The following TAB2 variants were observed in gnomAD, a reference collection of about 807,000 sequenced individuals.
The protein encoded by TAB2 is TGF-beta-activated kinase 1 and MAP3K7-binding protein 2.
Under a neutral mutation model 65.0 loss-of-function variants are expected in TAB2, and 3 were observed. The observed-to-expected ratio is 0.05, with a 90% CI of 0.02 to 0.12. The LOEUF is 0.12. Ranked by LOEUF, TAB2 falls within the 10% of genes least tolerant of loss-of-function variation. The probability of loss-of-function intolerance (pLI) is 1.00; values close to 1 mark genes in which losing one functional copy is unlikely to be tolerated. For synonymous variants in TAB2, 298 were observed against 285.1 expected (o/e 1.05, Z -0.46); for missense variants, 623 against 840.3 (o/e 0.74, Z 3.20).
chr6:149,250,246 G>A (rs1562387875), intron 1 of TAB2, among the ~76,000 whole-genome samples: 1 of 152,096 alleles, frequency 6.6e-6, no homozygotes. Context: ...AGATTTTTAT[G>A]CCATACAGGA....
At chr6:149,283,411 G>A (rs1207661971) in intron 1 of TAB2, among the ~76,000 whole-genome samples, 1 of 152,106 alleles carries the variant, frequency 6.6e-6, no homozygotes, top group Non-Finnish European at 1.5e-5. Flanking sequence ...TGATGGTATA[G>A]AAGAAACTAC....
intron 6 of TAB2, chr6:149,401,419 TTA>T (rs1274027744): frequency 6.5e-6 from 1 of 154,700 alleles, no homozygotes; most frequent in Non-Finnish European, 1.5e-5. Flanking sequence ...GTGGCTATAA[TTA>T]TATCAGAAAC....
intron 1 of TAB2, among the ~76,000 whole-genome samples, chr6:149,318,277 G>GT (rs972173830): frequency 2.0e-5 from 3 of 151,828 alleles, no homozygotes; most frequent in Non-Finnish European, 4.4e-5. Flanking sequence ...TCCGTGCGGG[G>GT]GGGGAGGGGG....
intron 1 of TAB2, among the ~76,000 whole-genome samples, chr6:149,223,382 T>A (rs1318876045): frequency 6.6e-6 from 1 of 152,256 alleles, no homozygotes; most frequent in Non-Finnish European, 1.5e-5. Flanking sequence ...TTAAAACAAC[T>A]GATTTCTAAG....
chr6:149,377,168 C>T (rs184927274), intron 2 of TAB2, among the ~76,000 whole-genome samples: 1,643 of 150,446 alleles, frequency 0.011, 28 homozygotes, highest in African/African-American at 0.039. Context: ...CTCCCAGGTT[C>T]ACGCCATTCT....
chr6:149,285,502 C>T (rs1157598317), intron 1 of TAB2, among the ~76,000 whole-genome samples: 2 of 152,200 alleles, frequency 1.3e-5, no homozygotes, highest in Non-Finnish European at 2.9e-5. Context: ...GTTGCCCCTA[C>T]TGACTGCAAA....
At chr6:149,276,783 T>G (rs1042842771) in intron 1 of TAB2, among the ~76,000 whole-genome samples, 5 of 152,204 alleles carry the variant, frequency 3.3e-5, no homozygotes, top group Non-Finnish European at 7.3e-5. Context: ...ATTATATCTT[T>G]TATTCAACAA....
At chr6:149,296,858 T>A (rs1433657536) in intron 1 of TAB2, among the ~76,000 whole-genome samples, 1 of 152,202 alleles carries the variant, frequency 6.6e-6, no homozygotes, top group African/African-American at 2.4e-5. Context: ...TGAACACAGA[T>A]ATTTCTAGCA....
chr6:149,230,744 A>G (rs1583034588), intron 1 of TAB2, among the ~76,000 whole-genome samples: 1 of 152,178 alleles, frequency 6.6e-6, no homozygotes, highest in East Asian at 1.9e-4. Context: ...CTTGCCCTAC[A>G]AGGCCGTAAG....
intron 1 of TAB2, among the ~76,000 whole-genome samples, chr6:149,257,006 G>A (rs956983326): frequency 1.3e-5 from 2 of 152,170 alleles, no homozygotes; most frequent in Non-Finnish European, 2.9e-5. Context: ...CATTTCACGT[G>A]TAAAATGAAA....
intron 1 of TAB2, among the ~76,000 whole-genome samples, chr6:149,365,135 T>TAAAG (rs1780998295): frequency 6.6e-6 from 1 of 152,232 alleles, no homozygotes; most frequent in South Asian, 2.1e-4. Context: ...GCTGCAAACA[T>TAAAG]TTCATAAAGT....
chr6:149,337,228 TC>T (rs1456184305), intron 1 of TAB2, among the ~76,000 whole-genome samples: 10 of 143,084 alleles, frequency 7.0e-5, no homozygotes, highest in African/African-American at 2.3e-4. Context: ...GATAACTGTT[TC>T]GGTATAATTG....
At chr6:149,370,726 A>G (rs1257877276) in intron 2 of TAB2, among the ~76,000 whole-genome samples, 1 of 152,108 alleles carries the variant, frequency 6.6e-6, no homozygotes, top group Non-Finnish European at 1.5e-5. Flanking sequence ...ATATTGAGTG[A>G]TAGTTGTGCC....
chr6:149,353,108 T>C (rs1391447997), intron 1 of TAB2, among the ~76,000 whole-genome samples: 1 of 152,122 alleles, frequency 6.6e-6, no homozygotes, highest in Non-Finnish European at 1.5e-5. Context: ...TGGTGGAGTA[T>C]CTTGTTTTTA....
At chr6:149,227,139 G>A (rs1777296922) in intron 1 of TAB2, among the ~76,000 whole-genome samples, 1 of 152,168 alleles carries the variant, frequency 6.6e-6, no homozygotes, top group Admixed American at 6.5e-5. Context: ...CTTCTTCTAA[G>A]AAACCTTTAA....
chr6:149,243,100 A>C (rs911392899), intron 1 of TAB2, among the ~76,000 whole-genome samples: 1 of 152,214 alleles, frequency 6.6e-6, no homozygotes, highest in African/African-American at 2.4e-5. Flanking sequence ...GCTGACTCAT[A>C]GTGTAAACAC....
At chr6:149,239,995 C>T (rs1261809337) in intron 1 of TAB2, among the ~76,000 whole-genome samples, 1 of 152,084 alleles carries the variant, frequency 6.6e-6, no homozygotes, top group Non-Finnish European at 1.5e-5. Flanking sequence ...GTGACCACAG[C>T]AGATGGCAGA....
Position 149,285,274 on chromosome 6 carries a change from C to T in TAB2, c.-121+66498C>T, listed in dbSNP as rs904485877. On this transcript the variant is annotated intron_variant, in intron 1 of 1. Coordinates refer to the TAB2 transcript ENST00000606202. ...GCCAACAGTACCCTAATGGGCAGAC[C>T]AAAAGCAGGGGACCCCTGGGGGTAA... 2.0e-5 allele frequency among the ~76,000 whole-genome samples: 3 copies of T among 152,260 alleles called. No individual in the cohort carries two copies. In the South Asian group the frequency reaches 6.2e-4, roughly 32 times the overall value.
chr6:149,255,877 C>T (rs1210039217), intron 1 of TAB2, among the ~76,000 whole-genome samples: 2 of 152,222 alleles, frequency 1.3e-5, no homozygotes, highest in African/African-American at 2.4e-5. Context: ...GCAGTCGTTG[C>T]AGACCATATA....
Sources: allele counts gnomAD v4.1 joint callset (sites outside exome capture counted in the v4.1 genomes callset), GRCh38; gene constraint gnomAD v4.1.1; transcripts MANE v1.5; gene names NCBI Gene and HGNC (gene_info 2026-07-23, HGNC 2026-07-21).